Variants in FHIT observed in about 807,000 individuals in gnomAD.
FHIT encodes fragile histidine triad diadenosine triphosphatase.
Under a neutral mutation model 17.9 loss-of-function variants are expected in FHIT, and 19 were observed. The ratio of observed to expected loss-of-function variants is 1.06; its 90% CI spans 0.74 to 1.56. The LOEUF (loss-of-function observed/expected upper bound fraction) is 1.56, where lower values mean the gene tolerates loss of function less well. FHIT is among the 40% of genes most tolerant of loss of function. The pLI is 0.00. For synonymous variants in FHIT, 81 were observed against 69.7 expected (o/e 1.16, Z -0.81); for missense variants, 248 against 189.2 (o/e 1.31, Z -1.82).
At chr3:61,068,462 T>C (rs1221206707) in intron 2 of FHIT, among the ~76,000 whole-genome samples, 2 of 152,200 alleles carry the variant, frequency 1.3e-5, no homozygotes, top group African/African-American at 4.8e-5. Context: ...GCCTCCTCTA[T>C]CGCCATATCT....
chr3:60,373,379 G>A (rs867163595), intron 5 of FHIT, among the ~76,000 whole-genome samples: 2 of 152,160 alleles, frequency 1.3e-5, no homozygotes, highest in Non-Finnish European at 2.9e-5. Flanking sequence ...CATCAAATGC[G>A]AAGGTTGCCA....
chr3:60,027,108 G>GAC (rs754046097), intron 5 of FHIT, among the ~76,000 whole-genome samples: 4,650 of 88,036 alleles, frequency 0.053, 128 homozygotes, highest in African/African-American at 0.09. Context: ...TTCACACACA[G>GAC]ACACACACAC....
intron 5 of FHIT, among the ~76,000 whole-genome samples, chr3:60,471,269 G>C (rs6792761): frequency 0.038 from 5,799 of 152,274 alleles, 156 homozygotes; most frequent in Middle Eastern, 0.1. Context: ...TCTGAGCTCA[G>C]TACAGGACCA....
At chr3:61,002,583 A>G (rs1575821667) in intron 3 of FHIT, among the ~76,000 whole-genome samples, 2 of 151,686 alleles carry the variant, frequency 1.3e-5, no homozygotes, top group Non-Finnish European at 2.9e-5. Context: ...GCCACTTTAT[A>G]CCCTTTGATC....
intron 5 of FHIT, among the ~76,000 whole-genome samples, chr3:60,054,447 A>T (rs753785391): frequency 1.3e-5 from 2 of 152,190 alleles, no homozygotes; most frequent in Non-Finnish European, 2.9e-5. Context: ...CCTGTTGCCA[A>T]TGAAGTGGCA....
At chr3:59,927,542 C>A (rs1960248) in intron 7 of FHIT, among the ~76,000 whole-genome samples, 14,856 of 150,590 alleles carry the variant, frequency 0.099, 844 homozygotes, top group South Asian at 0.14. Flanking sequence ...CCGAGGCGGG[C>A]GGATCACGAG....
chr3:60,743,163 A>T lies in FHIT; in HGVS notation c.-18+78756T>A, dbSNP rs566393026. On this transcript the variant is annotated intron_variant, in intron 4 of 9. Transcript: ENST00000492590. ...TACACTGCAGCTGGGCAACTGGCTG[A>T]GGTCACATTTTTAGGCTCTGAGCTG... Among the ~76,000 whole-genome samples, 5 of 152,348 alleles carry T rather than the reference A, an allele frequency of 3.3e-5. No individual in the cohort carries two copies. In the East Asian group the frequency reaches 9.7e-4, roughly 29 times the overall value.
At chr3:60,559,553 TG>T (rs1419923930) in intron 4 of FHIT, among the ~76,000 whole-genome samples, 4 of 152,186 alleles carry the variant, frequency 2.6e-5, no homozygotes, top group Non-Finnish European at 5.9e-5. Context: ...AAATTGCTGG[TG>T]TGCTCTCTCT....
intron 5 of FHIT, among the ~76,000 whole-genome samples, chr3:60,431,413 T>C (rs1336205718): frequency 1.3e-5 from 2 of 152,080 alleles, no homozygotes; most frequent in Non-Finnish European, 2.9e-5. Context: ...CTCTTATCCG[T>C]AGAATCAATT....
intron 4 of FHIT, among the ~76,000 whole-genome samples, chr3:60,538,085 T>C (rs1376951330): frequency 2.6e-5 from 4 of 152,076 alleles, no homozygotes; most frequent in South Asian, 2.1e-4. Flanking sequence ...CCTCTAAGAG[T>C]CTAGGTAGCT....
chr3:60,521,469 G>A lies in FHIT; in HGVS notation c.103+15391C>T, dbSNP rs537327862. ...TCACCGTGTTAGCCAGGATGGTCTC[G>A]ATCTGCTGACTTCGTGATCCGCCCA... On this transcript the variant is annotated intron_variant, in intron 5 of 9. Transcript: ENST00000492590. 5.9e-3 allele frequency among the ~76,000 whole-genome samples: 900 copies of A among 152,170 alleles called. 4 individuals are homozygous for A. Among genetic ancestry groups the A allele is most frequent in the Non-Finnish European group, 9.4e-3 (641 of 67,996 alleles).
intron 5 of FHIT, among the ~76,000 whole-genome samples, chr3:60,242,591 T>C (rs1279396984): frequency 2.0e-5 from 3 of 152,132 alleles, no homozygotes; most frequent in Admixed American, 6.6e-5. Context: ...GAGGCAAAGT[T>C]GACTGCTTAG....
chr3:59,827,599 T>C (rs1271099690), intron 8 of FHIT, among the ~76,000 whole-genome samples: 2 of 152,214 alleles, frequency 1.3e-5, no homozygotes, highest in East Asian at 1.9e-4. Flanking sequence ...ATACCATAGG[T>C]ATCCCTATTT....
At chr3:60,260,494 T>C (rs1706235740) in intron 5 of FHIT, among the ~76,000 whole-genome samples, 1 of 152,010 alleles carries the variant, frequency 6.6e-6, no homozygotes, top group African/African-American at 2.4e-5. Context: ...AACAAAACAA[T>C]AGAACACAGA....
intron 5 of FHIT, among the ~76,000 whole-genome samples, chr3:60,249,302 A>G (rs921327355): frequency 3.9e-4 from 60 of 152,130 alleles, no homozygotes; most frequent in Admixed American, 2.4e-3. Flanking sequence ...AATCTGGAAG[A>G]CAAAATTCTG....
intron 8 of FHIT, among the ~76,000 whole-genome samples, chr3:59,827,425 G>A (rs889385355): frequency 1.3e-5 from 2 of 152,220 alleles, no homozygotes; most frequent in Non-Finnish European, 2.9e-5. Context: ...AAGTACTGTG[G>A]TATAGGGCAC....
intron 8 of FHIT, among the ~76,000 whole-genome samples, chr3:59,899,310 T>A (rs1442030018): frequency 4.6e-5 from 7 of 152,178 alleles, no homozygotes; most frequent in Non-Finnish European, 1.0e-4. Flanking sequence ...AGGCAGAGAA[T>A]GGCTGGACAA....
At chr3:59,836,424 C>G (rs1037484033) in intron 8 of FHIT, among the ~76,000 whole-genome samples, 2 of 152,140 alleles carry the variant, frequency 1.3e-5, no homozygotes, top group African/African-American at 4.8e-5. Flanking sequence ...AGCTGGCTGG[C>G]AAGGATGTCA....
intron 1 of FHIT, among the ~76,000 whole-genome samples, chr3:61,213,883 G>T (rs528369837): frequency 3.1e-4 from 47 of 152,284 alleles, no homozygotes; most frequent in African/African-American, 1.1e-3. Context: ...CATGGAAACT[G>T]AACAACCTGC....
Sources: gnomAD v4.1 joint callset for allele counts (sites outside exome capture counted in the v4.1 genomes callset) on GRCh38, gnomAD v4.1.1 for gene constraint, MANE v1.5 for transcripts, NCBI Gene and HGNC (gene_info 2026-07-23, HGNC 2026-07-21) for gene names.